ARL6IP6: variants seen among roughly 807,000 people sequenced by gnomAD.
ARL6IP6 encodes ADP-ribosylation factor-like protein 6-interacting protein 6.
A neutral mutation model predicts 21.5 loss-of-function variants in ARL6IP6; 22 were observed. That is an observed-to-expected ratio of 1.02 (90% confidence interval 0.73 to 1.46). ARL6IP6 has a LOEUF of 1.46. Among genes scored for constraint, ARL6IP6 ranks in the 40% most tolerant of loss-of-function variants. The pLI, the probability that ARL6IP6 is intolerant of heterozygous loss-of-function variation, is 0.00. For missense variants in ARL6IP6, 388 were observed against 299.8 expected, an observed-to-expected ratio of 1.29 and a Z score of -2.17; for synonymous variants, 164 against 125.3, an observed-to-expected ratio of 1.31 and a Z score of -2.06.
chr2:152,723,446 T>C (rs756695031), intron 2 of ARL6IP6, among the ~76,000 whole-genome samples: 11 of 152,238 alleles, frequency 7.2e-5, no homozygotes, highest in Non-Finnish European at 1.3e-4. Flanking sequence ...TGCCCACACA[T>C]GCTATTATCT....
intron 3 of ARL6IP6, among the ~76,000 whole-genome samples, chr2:152,740,961 G>C (rs966574643): frequency 1.3e-5 from 2 of 152,112 alleles, no homozygotes; most frequent in Non-Finnish European, 2.9e-5. Context: ...CCAGTAGAGT[G>C]AGTCCTTGTA....
chr2:152,718,901 G>T lies in ARL6IP6; in HGVS notation c.277G>T (p.Ala93Ser), dbSNP rs753233976. 1.2e-6 allele frequency: 2 copies of T among 1,613,900 alleles called. No individual in the cohort carries two copies. Among genetic ancestry groups the T allele is most frequent in the Admixed American group, 3.3e-5 (2 of 59,998 alleles). ...CGATAAGCGCAATGGTATCTTTCCCGCGGCCGCGGGCAGCAGAGCCCAGCC... is the reference window on the plus strand; with the variant it reads ...CGATAAGCGCAATGGTATCTTTCCCTCGGCCGCGGGCAGCAGAGCCCAGCC... ...LPDKRNGIFPAAAGSRAQPRR... is the reference protein window; with the variant it reads ...LPDKRNGIFPSAAGSRAQPRR... The change falls in exon 1 of 4, where the codon GCG becomes TCG. Residue 93 changes from alanine (A) to serine (S), a missense_variant. Transcript: ENST00000326446.
intron 3 of ARL6IP6, among the ~76,000 whole-genome samples, chr2:152,743,150 C>CT (rs1424860698): frequency 6.6e-6 from 1 of 152,000 alleles, no homozygotes; most frequent in East Asian, 1.9e-4. Context: ...CTGTATTCCA[C>CT]TTTAAGACTG....
chr2:152,741,734 T>C (rs550462195), intron 3 of ARL6IP6, among the ~76,000 whole-genome samples: 1 of 152,314 alleles, frequency 6.6e-6, no homozygotes, highest in Admixed American at 6.5e-5. Context: ...CTTTGCAAGA[T>C]ATATTTCCAG....
chr2:152,756,852 C>T (rs1701616675), intron 3 of ARL6IP6, among the ~76,000 whole-genome samples: 1 of 152,116 alleles, frequency 6.6e-6, no homozygotes, highest in African/African-American at 2.4e-5. Flanking sequence ...AACTATTTTT[C>T]ATACTTTCTA....
intron 3 of ARL6IP6, among the ~76,000 whole-genome samples, chr2:152,740,635 A>G (rs1167540826): frequency 6.6e-6 from 1 of 152,010 alleles, no homozygotes; most frequent in African/African-American, 2.4e-5. Context: ...TATACACATT[A>G]TAAATGTGTA....
At chr2:152,727,478 T>C (rs1700098925) in intron 2 of ARL6IP6, among the ~76,000 whole-genome samples, 1 of 152,194 alleles carries the variant, frequency 6.6e-6, no homozygotes. Flanking sequence ...AATAGTCTAT[T>C]GTAGTGGACA....
At chr2:152,751,763 A>T (rs1229370622) in intron 3 of ARL6IP6, among the ~76,000 whole-genome samples, 1 of 151,904 alleles carries the variant, frequency 6.6e-6, no homozygotes, top group Non-Finnish European at 1.5e-5. Flanking sequence ...CATTTTCTTT[A>T]TCCATTCATC....
intron 2 of ARL6IP6, 152 bp from the exon 3 acceptor site, chr2:152,734,842 T>A: frequency 1.4e-6 from 1 of 726,598 alleles, no homozygotes; most frequent in Non-Finnish European, 2.1e-6. Context: ...TCTACATAAG[T>A]TAGCTTGCAA....
chr2:152,724,109 C>CAAAAAAA (rs546002979), intron 2 of ARL6IP6, among the ~76,000 whole-genome samples: 1 of 74,268 alleles, frequency 1.3e-5, no homozygotes, highest in African/African-American at 3.4e-5. Context: ...TGACTAAGGC[C>CAAAAAAA]AAAAAAAAAA....
chr2:152,720,220 A>G, intron 1 of ARL6IP6: 2 of 387,512 alleles, frequency 5.2e-6, no homozygotes, highest in East Asian at 5.5e-5. Flanking sequence ...GAAGACATTG[A>G]ACTGTGCTTA....
intron 3 of ARL6IP6, 67 bp downstream of exon 3, chr2:152,735,193 A>G (rs1180591855): frequency 9.7e-6 from 15 of 1,552,924 alleles, no homozygotes; most frequent in Non-Finnish European, 8.0e-6. Context: ...TAAAATACTC[A>G]GAAGCAAGAG....
chr2:152,761,834 A>G lies in ARL6IP6; in HGVS notation c.*1994A>G, dbSNP rs1231277378. Among the ~76,000 whole-genome samples, 1 of 151,978 alleles carries G rather than the reference A, an allele frequency of 6.6e-6. No individual in the cohort carries two copies. Among genetic ancestry groups the G allele is most frequent in the Non-Finnish European group, 1.5e-5 (1 of 68,046 alleles). ...GTAAGTATACTCTGATGTTCACACA[A>G]TGATGAAATTGCCTAATGACGCTTT... On this transcript the variant is annotated 3_prime_UTR_variant, in exon 4 of 4. Transcript: ENST00000326446.
intron 2 of ARL6IP6, among the ~76,000 whole-genome samples, chr2:152,724,182 G>A (rs1375816973): frequency 6.6e-6 from 1 of 150,966 alleles, no homozygotes; most frequent in Non-Finnish European, 1.5e-5. Context: ...GTTTATCTGG[G>A]TTTCCGAATT....
chr2:152,719,881 T>A (rs1413110728), intron 1 of ARL6IP6: 1 of 468,840 alleles, frequency 2.1e-6, no homozygotes, highest in African/African-American at 2.0e-5. Context: ...TTTTTATTTG[T>A]CCTCATTGCT....
At chr2:152,720,332 A>G (rs1007557855) in intron 1 of ARL6IP6, 3 of 609,882 alleles carry the variant, frequency 4.9e-6, no homozygotes, top group Admixed American at 5.5e-5. Flanking sequence ...TGTACGGTAT[A>G]TAGCTGTTGG....
rs755261330 is a variant in ARL6IP6 at position 152,735,138 on chromosome 2, T to C, written c.587+12T>C. Reference sequence around the variant, plus strand: ...CCTGCCAGGTTCAAGTAAGTATTCCTGTTTCCTGTTTCTTTTTTAAATGCA... The same window carrying C: ...CCTGCCAGGTTCAAGTAAGTATTCCCGTTTCCTGTTTCTTTTTTAAATGCA... On this transcript the variant is annotated intron_variant, in intron 3 of 3. Coordinates refer to ENST00000326446, the MANE Select transcript of ARL6IP6 (RefSeq NM_152522.7). 1.1e-5 allele frequency: 17 copies of C among 1,612,224 alleles called. No individual in the cohort carries two copies. In the African/African-American group the frequency reaches 2.0e-4, roughly 19 times the overall value.
Position 152,759,818 on chromosome 2 carries a change from C to G in ARL6IP6, c.659C>G (p.Thr220Ser). The change falls in exon 4 of 4, where the codon ACT (threonine) becomes AGT (serine). Residue 220 changes from threonine to serine, a missense_variant. Transcript: ENST00000326446. ...TTGAATGGCATCGTAGCTGCTCTTACTGTAGCATGGTGCCTCATGTAAACC... is the reference window on the plus strand; with the variant it reads ...TTGAATGGCATCGTAGCTGCTCTTAGTGTAGCATGGTGCCTCATGTAAACC... ...AILNGIVAALTVAWCLM is the reference protein window; with the variant it reads ...AILNGIVAALSVAWCLM 6.2e-7 allele frequency: 1 copy of G among 1,613,290 alleles called. No individual in the cohort carries two copies. The highest frequency in any genetic ancestry group is 8.5e-7 in the Non-Finnish European group (1 of 1,179,358).
At chr2:152,740,625 T>C (rs145864283) in intron 3 of ARL6IP6, among the ~76,000 whole-genome samples, 1,691 of 149,014 alleles carry the variant, frequency 0.011, 29 homozygotes, top group African/African-American at 0.04. Flanking sequence ...AAATAGAATA[T>C]ATACACATTA....
Sources: gnomAD v4.1 joint callset for allele counts (sites outside exome capture counted in the v4.1 genomes callset) on GRCh38, gnomAD v4.1.1 for gene constraint, MANE v1.5 for transcripts, NCBI Gene and HGNC (gene_info 2026-07-23, HGNC 2026-07-21) for gene names.